INTS6: variants seen among roughly 807,000 people sequenced by gnomAD.
INTS6 encodes the protein integrator complex subunit 6.
In INTS6, 16 loss-of-function variants were observed where a neutral mutation model predicts 104.9. That is an observed-to-expected ratio of 0.15 (90% CI 0.10 to 0.23). The LOEUF (loss-of-function observed/expected upper bound fraction) is 0.23, where lower values mean the gene tolerates loss of function less well. Ranked by LOEUF, INTS6 falls within the 10% of genes least tolerant of loss-of-function variation. The pLI is 1.00. For synonymous variants in INTS6, 324 were observed against 358.7 expected (o/e 0.90, Z 1.09); for missense variants, 584 against 1,062.8 (o/e 0.55, Z 6.26).
chr13:51,394,409 A>G (rs997753904), intron 5 of INTS6, among the ~76,000 whole-genome samples: 2 of 151,982 alleles, frequency 1.3e-5, no homozygotes, highest in African/African-American at 4.8e-5. Flanking sequence ...AGAATTTTAG[A>G]AAAAATGCAC....
intron 4 of INTS6, chr13:51,420,986 A>T: frequency 3.0e-6 from 1 of 333,776 alleles, no homozygotes; most frequent in Non-Finnish European, 4.3e-6. Flanking sequence ...CAACCAATTT[A>T]TAAGCTCAAA....
intron 4 of INTS6, among the ~76,000 whole-genome samples, chr13:51,422,596 A>G (rs1047780092): frequency 6.6e-6 from 1 of 152,172 alleles, no homozygotes; most frequent in African/African-American, 2.4e-5. Context: ...AGGTTGTTAC[A>G]TGTAGTTTGC....
chr13:51,411,006 G>GT (rs1234899051), intron 4 of INTS6, among the ~76,000 whole-genome samples: 1 of 151,926 alleles, frequency 6.6e-6, no homozygotes, highest in African/African-American at 2.4e-5. Flanking sequence ...GAGGTCAGGA[G>GT]TTTGAGACCA....
intron 4 of INTS6, among the ~76,000 whole-genome samples, chr13:51,421,842 G>C (rs1956901505): frequency 6.6e-6 from 1 of 151,936 alleles, no homozygotes. Flanking sequence ...CTTGACACCA[G>C]TACACAGAGT....
chr13:51,451,341 C>G, intron 2 of INTS6, 167 bp from the exon 3 acceptor site: 2 of 429,782 alleles, frequency 4.7e-6, no homozygotes, highest in South Asian at 7.9e-5. Context: ...CAAAGGTGGC[C>G]CAGGAATAAC....
At chr13:51,375,997 G>T (rs775547531) in intron 13 of INTS6, 51 bp downstream of exon 13, 2 of 1,467,108 alleles carry the variant, frequency 1.4e-6, no homozygotes, top group Admixed American at 4.1e-5. Flanking sequence ...TGCTTTTTCA[G>T]ACTATAAAGA....
chr13:51,352,514 A>G (rs941453531), downstream of INTS6, among the ~76,000 whole-genome samples: 7 of 151,852 alleles, frequency 4.6e-5, no homozygotes, highest in East Asian at 1.3e-3. Context: ...TTCTATGTAT[A>G]AGACCAAGTC....
the INTS6 span, among the ~76,000 whole-genome samples, chr13:51,345,327 T>A: frequency 1.3e-5 from 2 of 152,022 alleles, no homozygotes; most frequent in African/African-American, 4.8e-5. Flanking sequence ...CAAGACCCAG[T>A]GTTGGTTAAA....
At chr13:51,371,321 A>T (rs1238112460) in intron 15 of INTS6, among the ~76,000 whole-genome samples, 1 of 152,178 alleles carries the variant, frequency 6.6e-6, no homozygotes, top group Admixed American at 6.5e-5. Flanking sequence ...TCAGAGATGG[A>T]GGAGTATCAT....
intron 4 of INTS6, among the ~76,000 whole-genome samples, chr13:51,429,523 T>G (rs1032850803): frequency 6.6e-5 from 10 of 151,910 alleles, no homozygotes; most frequent in African/African-American, 2.4e-4. Flanking sequence ...CCCAACACTT[T>G]GAGAGGCCAA....
intron 10 of INTS6, among the ~76,000 whole-genome samples, chr13:51,381,816 C>A (rs1212445177): frequency 6.6e-6 from 1 of 151,680 alleles, no homozygotes; most frequent in Non-Finnish European, 1.5e-5. Context: ...GATTCTCCTG[C>A]CTCAGCCTCC....
intron 4 of INTS6, among the ~76,000 whole-genome samples, chr13:51,404,856 T>TA (rs573672836): frequency 0.01 from 1,556 of 152,066 alleles, 8 homozygotes; most frequent in South Asian, 0.03. Context: ...TGGGGACTTT[T>TA]AAAAAAAATT....
At chr13:51,370,660 T>C (rs1176440984) in intron 15 of INTS6, among the ~76,000 whole-genome samples, 1 of 152,170 alleles carries the variant, frequency 6.6e-6, no homozygotes, top group Non-Finnish European at 1.5e-5. Flanking sequence ...ACAGGATAAC[T>C]GCACGGCCCA....
intron 4 of INTS6, among the ~76,000 whole-genome samples, chr13:51,415,166 C>T (rs748284241): frequency 6.6e-6 from 1 of 150,828 alleles, no homozygotes; most frequent in Non-Finnish European, 1.5e-5. Flanking sequence ...GGCACAGAAC[C>T]GTTCACTTAA....
At chr13:51,446,132 A>G (rs1286407097) in intron 3 of INTS6, 2 of 152,202 alleles carry the variant, frequency 1.3e-5, no homozygotes, top group African/African-American at 2.4e-5. Context: ...ATAAAAGCAA[A>G]CTACATAATG....
chr13:51,360,885 T>C (rs759015894), downstream of INTS6, among the ~76,000 whole-genome samples: 3 of 152,058 alleles, frequency 2.0e-5, no homozygotes, highest in Non-Finnish European at 4.4e-5. Context: ...CTACAGAATC[T>C]GCATTTTAAC....
At chr13:51,373,371 C>G (rs575917655) in intron 15 of INTS6, among the ~76,000 whole-genome samples, 1 of 152,270 alleles carries the variant, frequency 6.6e-6, no homozygotes, top group African/African-American at 2.4e-5. Context: ...TCTTGCTCCT[C>G]TCTGATAATA....
chr13:51,354,867 G>A (rs947101763), intron 3 of INTS6, among the ~76,000 whole-genome samples: 1 of 152,182 alleles, frequency 6.6e-6, no homozygotes, highest in African/African-American at 2.4e-5. Context: ...AGGTGGGGAA[G>A]AGCCCTGTGT....
intron 4 of INTS6, among the ~76,000 whole-genome samples, chr13:51,409,996 A>T (rs552526542): frequency 3.5e-4 from 54 of 152,212 alleles, no homozygotes; most frequent in Non-Finnish European, 6.3e-4. Context: ...TAAAAAGACC[A>T]ATCAATAATA....
Sources: allele counts gnomAD v4.1 joint callset (sites outside exome capture counted in the v4.1 genomes callset), GRCh38; gene constraint gnomAD v4.1.1; transcripts MANE v1.5; gene names NCBI Gene and HGNC (gene_info 2026-07-23, HGNC 2026-07-21).